IKZF2: variants seen among roughly 807,000 people sequenced by gnomAD.
IKZF2 encodes the protein IKAROS family zinc finger 2.
IKZF2 carries 15 observed loss-of-function variants against 49.2 expected under a neutral mutation model. The ratio of observed to expected loss-of-function variants is 0.30; its 90% confidence interval spans 0.20 to 0.47. IKZF2 has a LOEUF of 0.47. Among genes scored for constraint, IKZF2 ranks in the 20% least tolerant of loss-of-function variants. IKZF2 has a pLI of 1.00. For missense variants in IKZF2, 567 were observed against 664.6 expected, an observed-to-expected ratio of 0.85 and a Z score of 1.61; for synonymous variants, 227 against 221.4, an observed-to-expected ratio of 1.03 and a Z score of -0.23.
At chr2:213,046,613 A>G (rs924797408) in intron 6 of IKZF2, among the ~76,000 whole-genome samples, 2 of 152,198 alleles carry the variant, frequency 1.3e-5, no homozygotes, top group African/African-American at 4.8e-5. Context: ...GAGATAGTTG[A>G]GGTAATGACA....
At chr2:213,031,634 G>A (rs1355665676) in intron 6 of IKZF2, among the ~76,000 whole-genome samples, 3 of 152,118 alleles carry the variant, frequency 2.0e-5, no homozygotes, top group Admixed American at 2.0e-4. Context: ...CTAAAATAAG[G>A]AAGCAAAATG....
At chr2:213,012,501 T>C (rs1559160941) in intron 8 of IKZF2, among the ~76,000 whole-genome samples, 1 of 152,042 alleles carries the variant, frequency 6.6e-6, no homozygotes, top group Non-Finnish European at 1.5e-5. Context: ...ACTGGCTCTT[T>C]ATTTCTTTTT....
chr2:213,124,252 G>GCGCGCACACA (rs1270409984), intron 4 of IKZF2, among the ~76,000 whole-genome samples: 1 of 136,236 alleles, frequency 7.3e-6, no homozygotes, highest in African/African-American at 2.7e-5. Flanking sequence ...GCGCGCGCGC[G>GCGCGCACACA]CACACACACA....
rs1218524829 is a variant in IKZF2 at position 213,093,726 on chromosome 2, G to C, written c.140-36627C>G. Among the ~76,000 whole-genome samples the C allele has an allele frequency of 5.9e-5, 9 of 152,228 alleles. No homozygotes were observed. In the South Asian group the frequency reaches 8.3e-4, roughly 14 times the overall value. Reference sequence around the variant, plus strand: ...AGAAATATTTTATTAGATAATTGAAGGAATAACTAGAAATACCCAATAACA... The same window carrying C: ...AGAAATATTTTATTAGATAATTGAACGAATAACTAGAAATACCCAATAACA... On this transcript the variant is annotated intron_variant, in intron 4 of 8. Transcript: ENST00000434687.
intron 4 of IKZF2, chr2:213,147,499 T>C (rs745526083): frequency 1.0e-4 from 66 of 648,078 alleles, no homozygotes; most frequent in Non-Finnish European, 1.7e-4. Context: ...AGCTCCCAAA[T>C]GCCACCTTGG....
At position 213,044,215 on chromosome 2, in the gene IKZF2, T is replaced by G. The variant is rs138615010; in HGVS notation, c.574+5498A>C. ...CCTATTTCTCTTAATTCCAGTGACC[T>G]CTAGATCCCCTTTCTCTTTCAGGCT... On this transcript the variant is annotated intron_variant, in intron 6 of 8. Coordinates refer to ENST00000434687, the MANE Select transcript of IKZF2 (RefSeq NM_001387220.1). Among the ~76,000 whole-genome samples, 51 of 152,312 alleles carry G rather than the reference T, an allele frequency of 3.3e-4. 2 individuals are homozygous for G. The East Asian group carries it at 8.7e-3, about 26-fold the overall frequency.
chr2:213,032,700 G>A (rs1292522565), intron 6 of IKZF2, among the ~76,000 whole-genome samples: 1 of 152,182 alleles, frequency 6.6e-6, no homozygotes, highest in Non-Finnish European at 1.5e-5. Flanking sequence ...ACAGTCAGTT[G>A]TGATTGCACC....
At chr2:213,124,286 A>G (rs1335526648) in intron 4 of IKZF2, among the ~76,000 whole-genome samples, 2 of 147,916 alleles carry the variant, frequency 1.4e-5, no homozygotes, top group African/African-American at 5.1e-5. Flanking sequence ...ACACACACAC[A>G]CACACACACA....
intron 4 of IKZF2, among the ~76,000 whole-genome samples, chr2:213,114,466 A>G (rs1298289970): frequency 6.6e-6 from 1 of 152,170 alleles, no homozygotes; most frequent in Non-Finnish European, 1.5e-5. Flanking sequence ...TTAATTGGCC[A>G]TGTGATGTAT....
At chr2:213,076,408 T>G (rs963454591) in intron 4 of IKZF2, among the ~76,000 whole-genome samples, 7 of 152,194 alleles carry the variant, frequency 4.6e-5, no homozygotes, top group African/African-American at 1.4e-4. Context: ...AAATAATGTG[T>G]AGTAGGCATA....
At chr2:213,024,819 T>C (rs567195372) in intron 6 of IKZF2, among the ~76,000 whole-genome samples, 1 of 152,258 alleles carries the variant, frequency 6.6e-6, no homozygotes, top group African/African-American at 2.4e-5. Flanking sequence ...TTCATACTAT[T>C]TCTTAAAAAT....
chr2:213,073,146 G>A lies in IKZF2; in HGVS notation c.140-16047C>T, dbSNP rs13007500. Among the ~76,000 whole-genome samples the A allele has an allele frequency of 4.8e-3, 724 of 152,086 alleles. 2 individuals carry two copies. The highest frequency in any genetic ancestry group is 0.02 in the Middle Eastern group (6 of 294). On this transcript the variant is annotated intron_variant, in intron 4 of 8. Transcript: ENST00000434687. ...TAAGTCCATATTCTTTGTGATTTGG[G>A]GGAAGTGGAAAATGAAGACTGTTTT...
At chr2:213,090,072 C>T (rs1321609278) in intron 4 of IKZF2, among the ~76,000 whole-genome samples, 1 of 152,274 alleles carries the variant, frequency 6.6e-6, no homozygotes, top group Admixed American at 6.5e-5. Flanking sequence ...TAGGAAGTAA[C>T]AACAAAGGGT....
intron 4 of IKZF2, among the ~76,000 whole-genome samples, chr2:213,128,804 CTTTTT>C (rs1184422126): frequency 2.7e-5 from 3 of 113,180 alleles, no homozygotes; most frequent in African/African-American, 9.8e-5. Flanking sequence ...ATTTTTTTTT[CTTTTT>C]TTTTTTTTTT....
chr2:213,045,874 G>T (rs1559202142), intron 6 of IKZF2, among the ~76,000 whole-genome samples: 1 of 152,158 alleles, frequency 6.6e-6, no homozygotes, highest in South Asian at 2.1e-4. Flanking sequence ...TCCACAGGCT[G>T]TCCATTTTGA....
intron 4 of IKZF2, among the ~76,000 whole-genome samples, chr2:213,058,929 A>G (rs1335640430): frequency 6.6e-6 from 1 of 151,898 alleles, no homozygotes; most frequent in Non-Finnish European, 1.5e-5. Context: ...TAATTTTCAA[A>G]TTCCAAATAG....
At chr2:213,111,929 G>A (rs1233025575) in intron 4 of IKZF2, among the ~76,000 whole-genome samples, 3 of 151,908 alleles carry the variant, frequency 2.0e-5, no homozygotes, top group African/African-American at 7.3e-5. Flanking sequence ...TTACTTTCAG[G>A]GAATTCAAAT....
chr2:213,043,915 C>CTA (rs1699901447), intron 6 of IKZF2, among the ~76,000 whole-genome samples: 1 of 152,202 alleles, frequency 6.6e-6, no homozygotes. Flanking sequence ...ATTTTAAGCA[C>CTA]TAGTTCTTAA....
At position 213,013,906 on chromosome 2, in the gene IKZF2, T is replaced by C. The variant is rs759269877; in HGVS notation, c.741A>G (p.Gln247=). 15 of 1,611,736 alleles carry C rather than the reference T, an allele frequency of 9.3e-6. 1 individual carries two copies. Among genetic ancestry groups the C allele is most frequent in the South Asian group, 7.7e-5 (7 of 90,990 alleles). ...HVPPMEDCKE[Q]EPIMDNNISL... Reference sequence around the variant, plus strand: ...AAATATTGTTGTCCATAATAGGCTCTTGTTCCTTACAATCTTCCATAGGAG... The same window carrying C: ...AAATATTGTTGTCCATAATAGGCTCCTGTTCCTTACAATCTTCCATAGGAG... Residue 247 remains glutamine (Q), a synonymous_variant, in exon 8 of 9, where the codon CAA becomes CAG. Transcript: ENST00000434687.
Sources: gnomAD v4.1 joint callset for allele counts (sites outside exome capture counted in the v4.1 genomes callset) on GRCh38, gnomAD v4.1.1 for gene constraint, MANE v1.5 for transcripts, NCBI Gene and HGNC (gene_info 2026-07-23, HGNC 2026-07-21) for gene names.